The following STAU1 variants were observed in gnomAD, a reference collection of about 807,000 sequenced individuals.
STAU1 encodes double-stranded RNA-binding protein Staufen homolog 1.
STAU1 carries 13 observed loss-of-function variants against 62.9 expected under a neutral mutation model. The observed-to-expected ratio is 0.21, with a 90% CI of 0.13 to 0.33. The LOEUF (loss-of-function observed/expected upper bound fraction) is 0.33, where lower values mean the gene tolerates loss of function less well. STAU1 is among the 10% of genes least tolerant of loss of function. The pLI, the probability that STAU1 is intolerant of heterozygous loss-of-function variation, is 1.00. For missense variants in STAU1, 571 were observed against 712.1 expected, an observed-to-expected ratio of 0.80 and a Z score of 2.25; for synonymous variants, 269 against 265.1, an observed-to-expected ratio of 1.01 and a Z score of -0.14.
chr20:49,208,311 G>A, the STAU1 span, among the ~76,000 whole-genome samples: 1 of 152,186 alleles, frequency 6.6e-6, no homozygotes, highest in South Asian at 2.1e-4. Context: ...GCCCACCTCA[G>A]TGACCCAAAG....
At chr20:49,187,020 T>TATAA (rs1162224470) in intron 1 of STAU1, among the ~76,000 whole-genome samples, 5 of 151,804 alleles carry the variant, frequency 3.3e-5, no homozygotes, top group African/African-American at 1.2e-4. Flanking sequence ...GAGGGGTGAA[T>TATAA]ATAAGCAAAG....
intron 6 of STAU1, among the ~76,000 whole-genome samples, chr20:49,125,834 C>T (rs1323296636): frequency 3.3e-5 from 5 of 151,932 alleles, no homozygotes; most frequent in African/African-American, 4.8e-5. Context: ...CAGAGTGGGA[C>T]TCCGTCTCAA....
the STAU1 span, among the ~76,000 whole-genome samples, chr20:49,208,848 T>G: frequency 1.3e-5 from 2 of 150,262 alleles, no homozygotes; most frequent in African/African-American, 4.9e-5. Flanking sequence ...GGTCTCGATC[T>G]CCTGACCTCC....
At chr20:49,143,679 T>C (rs1231425651) in intron 5 of STAU1, among the ~76,000 whole-genome samples, 1 of 152,228 alleles carries the variant, frequency 6.6e-6, no homozygotes, top group African/African-American at 2.4e-5. Context: ...GCCATCACCA[T>C]TTATTATCTG....
intron 1 of STAU1, among the ~76,000 whole-genome samples, chr20:49,187,394 G>A (rs1348259400): frequency 6.6e-6 from 1 of 152,172 alleles, no homozygotes; most frequent in Non-Finnish European, 1.5e-5. Flanking sequence ...CCCTGGCTCT[G>A]GACATGGGCA....
In STAU1 at chr20:49,178,909, TAAA is replaced by T. The variant is rs11324304; in HGVS notation, c.-159-4643_-159-4641del. Among the ~76,000 whole-genome samples the T allele has an allele frequency of 1.2e-4, 14 of 116,408 alleles. No individual in the cohort carries two copies. In the East Asian group the frequency reaches 1.3e-3, roughly 11 times the overall value. 76.4% of individuals were successfully genotyped at this position (116,408 alleles called of 152,430 possible). A position where few individuals can be genotyped will look rare whatever the true frequency, so the allele number is the denominator to read the frequency against. ...TAACACGGTGAAACACCGTCTCCAC[TAAA>T]AAAAAAAAAAAAAAAACAACTAGCT... On this transcript the variant is annotated intron_variant, in intron 1 of 13. Coordinates refer to ENST00000371856, the MANE Select transcript of STAU1 (RefSeq NM_017453.4).
At chr20:49,127,782 G>T (rs1237859228) in intron 6 of STAU1, among the ~76,000 whole-genome samples, 1 of 152,178 alleles carries the variant, frequency 6.6e-6, no homozygotes, top group Admixed American at 6.5e-5. Flanking sequence ...GAAGGCCAAG[G>T]CGGGTGGATG....
At chr20:49,200,024 A>G in the STAU1 span, among the ~76,000 whole-genome samples, 1 of 152,160 alleles carries the variant, frequency 6.6e-6, no homozygotes, top group Non-Finnish European at 1.5e-5. Flanking sequence ...ACTCTTATTC[A>G]TTGCTGATGG....
intron 3 of STAU1, among the ~76,000 whole-genome samples, chr20:49,162,970 G>A (rs2093471871): frequency 6.6e-6 from 1 of 152,044 alleles, no homozygotes; most frequent in South Asian, 2.1e-4. Context: ...AAGGTAGGCG[G>A]ATCACGAGGT....
chr20:49,212,048 G>C, the STAU1 span, among the ~76,000 whole-genome samples: 1 of 152,104 alleles, frequency 6.6e-6, no homozygotes. Context: ...GAGTGCAGTG[G>C]CACGGTCATG....
At chr20:49,187,683 TG>T (rs1199695893) in intron 1 of STAU1, among the ~76,000 whole-genome samples, 1 of 151,856 alleles carries the variant, frequency 6.6e-6, no homozygotes, top group Non-Finnish European at 1.5e-5. Context: ...GCACCCGTTT[TG>T]GACACCTGGG....
intron 5 of STAU1, among the ~76,000 whole-genome samples, chr20:49,149,964 T>C (rs897855458): frequency 3.9e-5 from 6 of 152,182 alleles, no homozygotes; most frequent in Admixed American, 6.5e-5. Flanking sequence ...TGTGAACATG[T>C]TTCCTGGTGA....
At chr20:49,173,311 G>C (rs2093620822) in intron 2 of STAU1, among the ~76,000 whole-genome samples, 1 of 151,916 alleles carries the variant, frequency 6.6e-6, no homozygotes, top group Admixed American at 6.6e-5. Flanking sequence ...TACAAAATTA[G>C]CCAGGTGTGG....
At chr20:49,216,664 A>T in the STAU1 span, among the ~76,000 whole-genome samples, 151 of 151,824 alleles carry the variant, frequency 9.9e-4, no homozygotes, top group Admixed American at 3.1e-3. Flanking sequence ...AAAATAAGAA[A>T]TTTTTTTTTC....
chr20:49,114,583 T>TCGGTGGTC lies in STAU1; in HGVS notation c.*294_*295insGACCACCG. The TCGGTGGTC allele has an allele frequency of 2.3e-6, 1 of 427,884 alleles. No homozygotes were observed. The highest frequency in any genetic ancestry group is 4.2e-6 in the Non-Finnish European group (1 of 236,844). 26.5% of individuals were successfully genotyped at this position (427,884 alleles called of 1,614,324 possible). On this transcript the variant is annotated 3_prime_UTR_variant, in exon 14 of 14. Transcript: ENST00000371856. Reference sequence around the variant, plus strand: ...CACGGAGGTGCCCAGGGTGTGGATCTGCTGGTGTCCCGGGAGAACCAGCTG... The same window carrying TCGGTGGTC: ...CACGGAGGTGCCCAGGGTGTGGATCTCGGTGGTCGCTGGTGTCCCGGGAGAACCAGCTG...
chr20:49,163,693 G>A (rs530368187), intron 3 of STAU1, among the ~76,000 whole-genome samples: 22 of 152,134 alleles, frequency 1.4e-4, no homozygotes, highest in Non-Finnish European at 2.2e-4. Context: ...CCCAAGTGCT[G>A]GGATTATGGG....
the STAU1 span, among the ~76,000 whole-genome samples, chr20:49,206,156 T>A: frequency 1.3e-5 from 2 of 150,858 alleles, no homozygotes; most frequent in East Asian, 3.9e-4. Context: ...CTGATTTTTT[T>A]TTTTTTTTTG....
At chr20:49,131,792 G>A (rs1002350521) in intron 6 of STAU1, among the ~76,000 whole-genome samples, 5 of 150,644 alleles carry the variant, frequency 3.3e-5, no homozygotes, top group African/African-American at 1.2e-4. Context: ...GCAGTGAGCC[G>A]AGATCATGCC....
At position 49,135,921 on chromosome 20, in the gene STAU1, C is replaced by T; in HGVS notation, c.521G>A (p.Arg174Lys). The T allele has an allele frequency of 6.2e-7, 1 of 1,612,762 alleles. No homozygotes were observed. Among genetic ancestry groups the T allele is most frequent in the Non-Finnish European group, 8.5e-7 (1 of 1,179,170 alleles). ...ATTGAGATTTTCTTCTTCGGATTCT[C>T]TTCCATTCACCTGTAAGAATAATTG... ...PLPERLEVNG[R>K]ESEEENLNKS... is the part of the protein sequence containing the mutation. The change falls in exon 6 of 14, where the codon AGA (arginine) becomes AAA (lysine). Residue 174 changes from arginine to lysine, a missense_variant. By Grantham distance (26) the Arg-to-Lys change is conservative. Transcript: ENST00000371856.
Sources: gnomAD v4.1 joint callset for allele counts (sites outside exome capture counted in the v4.1 genomes callset) on GRCh38, gnomAD v4.1.1 for gene constraint, MANE v1.5 for transcripts, NCBI Gene and HGNC (gene_info 2026-07-23, HGNC 2026-07-21) for gene names.